ASMT: variants seen among roughly 807,000 people sequenced by gnomAD.
The protein encoded by ASMT is acetylserotonin O-methyltransferase, also known as acetylserotonin N-methyltransferase.
Under a neutral mutation model 41.3 loss-of-function variants are expected in ASMT, and 53 were observed. The ratio of observed to expected loss-of-function variants is 1.28; its 90% CI spans 1.03 to 1.61. ASMT has a LOEUF of 1.61. Ranked by LOEUF, ASMT falls within the 40% of genes most tolerant of loss-of-function variation. The probability of loss-of-function intolerance (pLI) is 0.00; values close to 1 mark genes in which losing one functional copy is unlikely to be tolerated. For synonymous variants in ASMT, 231 were observed against 184.8 expected (o/e 1.25, Z -2.03); for missense variants, 531 against 441.3 (o/e 1.20, Z -1.82).
Position 1,623,268 on chromosome X carries a change from T to A in ASMT, c.199T>A (p.Cys67Ser), listed in dbSNP as rs751989568. 2 of 1,613,908 alleles carry A rather than the reference T, an allele frequency of 1.2e-6. No homozygotes were observed. The highest frequency in any genetic ancestry group is 1.7e-6 in the Non-Finnish European group (2 of 1,179,874). ...AHGTELLLDICVSLKLLKVET... is the reference protein window; with the variant it reads ...AHGTELLLDISVSLKLLKVET... ...TGGGACAGAGCTCCTGCTGGACATC[T>A]GTGTGTCCCTGAAGCTGCTGAAAGT... The change falls in exon 2 of 9, where the codon TGT (cysteine) becomes AGT (serine). Residue 67 changes from cysteine (C) to serine (S), a missense_variant. Coordinates refer to ENST00000381241, the MANE Select transcript of ASMT (RefSeq NM_001171038.2).
chrX:1,625,904 A>G (rs6644638), intron 3 of ASMT, among the ~76,000 whole-genome samples: 95,881 of 146,094 alleles, frequency 0.66, 31,568 homozygotes, highest in East Asian at 0.75. Flanking sequence ...GCAGTGAGCC[A>G]AGATCGCACC....
intron 1 of ASMT, among the ~76,000 whole-genome samples, chrX:1,621,091 G>A (rs1452692033): frequency 4.6e-5 from 7 of 151,932 alleles, no homozygotes; most frequent in Admixed American, 1.3e-4. Flanking sequence ...GCGAGACTCC[G>A]TCTCAAAAAA....
chrX:1,634,243 G>A (rs1315576363), intron 7 of ASMT, among the ~76,000 whole-genome samples: 1 of 152,188 alleles, frequency 6.6e-6, no homozygotes, highest in African/African-American at 2.4e-5. Flanking sequence ...AAGGAGCATG[G>A]GATAGAGTTC....
chrX:1,634,976 CTTTT>C (rs772826246), intron 7 of ASMT, among the ~76,000 whole-genome samples: 1 of 112,098 alleles, frequency 8.9e-6, no homozygotes, highest in Admixed American at 9.5e-5. Context: ...TGAGTTAACT[CTTTT>C]TTTTTTTTTT....
At chrX:1,636,599 C>CA in intron 8 of ASMT, 39 bp downstream of exon 8, 6 of 1,613,652 alleles carry the variant, frequency 3.7e-6, no homozygotes, top group Non-Finnish European at 5.1e-6. Flanking sequence ...GTGCTTGTGA[C>CA]ACGGGGCAGA....
At chrX:1,628,190 G>A (rs1347534003) in intron 4 of ASMT, among the ~76,000 whole-genome samples, 12 of 152,206 alleles carry the variant, frequency 7.9e-5, no homozygotes, top group East Asian at 3.9e-4. Context: ...GCGTGGTGGC[G>A]GACGCCTGTA....
chrX:1,631,031 C>T (rs1488235933), intron 5 of ASMT, among the ~76,000 whole-genome samples: 1 of 151,316 alleles, frequency 6.6e-6, no homozygotes, highest in Non-Finnish European at 1.5e-5. Context: ...CTGCCTCAGC[C>T]TCCTGAGTAG....
chrX:1,631,206 G>GC (rs1457696108), intron 5 of ASMT, among the ~76,000 whole-genome samples: 2 of 151,004 alleles, frequency 1.3e-5, no homozygotes, highest in Non-Finnish European at 2.9e-5. Context: ...GAGCCACTGC[G>GC]CCGAGCTCAT....
rs1384141239 is a variant in ASMT, at chrX:1,636,442, T to C, written c.792T>C (p.Asp264=). 1.2e-6 allele frequency: 2 copies of C among 1,613,726 alleles called. No individual in the cohort carries two copies. Among genetic ancestry groups the C allele is most frequent in the African/African-American group, 1.3e-5 (1 of 74,862 alleles). Residue 264 remains aspartate (D), a synonymous_variant, in exon 8 of 9, where the codon GAT becomes GAC. Transcript: ENST00000381241. ...TGTGCCTGCCCTGTGTTCCAGGGGA[T>C]TTCTTCAAAGACCCTCTTCCGGAAG... is the stretch of plus-strand genomic sequence containing the variant. ...EEEQIDFQEG[D]FFKDPLPEAD...
chrX:1,622,773 A>G (rs1456667253), intron 1 of ASMT, among the ~76,000 whole-genome samples: 5 of 151,176 alleles, frequency 3.3e-5, no homozygotes, highest in South Asian at 2.1e-4. Context: ...TTAGACAGGC[A>G]TGGTGGAACA....
intron 1 of ASMT, among the ~76,000 whole-genome samples, chrX:1,620,591 A>T (rs139655973): frequency 0.013 from 2,034 of 152,232 alleles, 41 homozygotes; most frequent in African/African-American, 0.047. Context: ...TTTAATAAAA[A>T]AGCTAATACC....
At chrX:1,618,621 G>C (rs1225090814) in intron 1 of ASMT, among the ~76,000 whole-genome samples, 1 of 151,466 alleles carries the variant, frequency 6.6e-6, no homozygotes, top group African/African-American at 2.4e-5. Flanking sequence ...ATTTTTGGTA[G>C]AGACGGGGTT....
chrX:1,634,117 G>A lies in ASMT; in HGVS notation c.787+827G>A, dbSNP rs183666238. Among the ~76,000 whole-genome samples the A allele has an allele frequency of 1.0e-3, 159 of 152,214 alleles. 3 individuals carry two copies. In the Middle Eastern group the frequency reaches 0.014, roughly 13 times the overall value. On this transcript the variant is annotated intron_variant, in intron 7 of 8. Transcript: ENST00000381241. ...TGAAGGGTGTGGCCAGGGTCTCCAC[G>A]ACTACCTTCAGGTTCAATAATTCAC...
chrX:1,629,810 T>G lies in ASMT; in HGVS notation c.444-11T>G, dbSNP rs1266781973. 1 of 1,613,668 alleles carries G rather than the reference T, an allele frequency of 6.2e-7. No homozygotes were observed. Among genetic ancestry groups the G allele is most frequent in the Non-Finnish European group, 8.5e-7 (1 of 1,179,644 alleles). ...CCTCACCATCTTGACAAGCGTGGTTTTGCATGCCAGGTCCGAGGGCGAGCG... is the reference window on the plus strand; with the variant it reads ...CCTCACCATCTTGACAAGCGTGGTTGTGCATGCCAGGTCCGAGGGCGAGCG... On this transcript the variant is annotated splice_polypyrimidine_tract_variant and intron_variant, in intron 4 of 8. Transcript: ENST00000381241.
In ASMT at chrX:1,625,542, AAGGG is replaced by A. The variant is rs1209503614; in HGVS notation, c.374+1170_374+1173del. ...AGAGAGAGGGGAGAAGGAAGGAAGG[AAGGG>A]AGGGAGGGAGGGAGGGAGGGAGGGA... On this transcript the variant is annotated intron_variant, in intron 3 of 8. Transcript: ENST00000381241. Among the ~76,000 whole-genome samples, 73 of 68,308 alleles carry A rather than the reference AAGGG, an allele frequency of 1.1e-3. 1 individual carries two copies. The highest frequency in any genetic ancestry group is 5.4e-3 in the East Asian group (6 of 1,108). 44.8% of individuals were successfully genotyped at this position (68,308 alleles called of 152,430 possible).
intron 5 of ASMT, among the ~76,000 whole-genome samples, chrX:1,630,913 A>ATTT (rs202113145): frequency 2.9e-5 from 4 of 136,188 alleles, no homozygotes; most frequent in African/African-American, 5.6e-5. Flanking sequence ...GTATTTATTT[A>ATTT]TTTATTTTTT....
At position 1,643,011 on chromosome X, in the gene ASMT, A is replaced by G; in HGVS notation, c.1119A>G (p.Lys373=). Residue 373 remains lysine, a synonymous_variant, in exon 9 of 9, where the codon AAA becomes AAG. Coordinates refer to ENST00000381241, the MANE Select transcript of ASMT (RefSeq NM_001171038.2). ...GAIYDAILAR[K] is the part of the protein sequence containing the mutation. ...TTTATGATGCCATTTTAGCCAGGAA[A>G]TAACTGTTTCTTGTGACCTGGAACT... 1 of 1,613,952 alleles carries G rather than the reference A, an allele frequency of 6.2e-7. No homozygotes were observed. Among genetic ancestry groups the G allele is most frequent in the Non-Finnish European group, 8.5e-7 (1 of 1,179,844 alleles).
chrX:1,642,894 G>C lies in ASMT; in HGVS notation c.1002G>C (p.Gln334His), dbSNP rs1935244300. ...TCTACTCTCTGAACATGCTTGTGCAGACGGAAGGGCAGGAGAGGACCCCCA... is the reference window on the plus strand; with the variant it reads ...TCTACTCTCTGAACATGCTTGTGCACACGGAAGGGCAGGAGAGGACCCCCA... The part of the protein sequence containing the change: ...TQLYSLNMLV[Q>H]TEGQERTPTH... Residue 334 changes from glutamine (Q) to histidine (H), a missense_variant, in exon 9 of 9, where the codon CAG (glutamine) becomes CAC (histidine). Transcript: ENST00000381241. The C allele has an allele frequency of 6.2e-7, 1 of 1,613,996 alleles. No homozygotes were observed. The highest frequency in any genetic ancestry group is 8.5e-7 in the Non-Finnish European group (1 of 1,179,878).
Position 1,634,849 on chromosome X carries a change from T to G in ASMT, c.787+1559T>G, listed in dbSNP as rs779620466. Among the ~76,000 whole-genome samples the G allele has an allele frequency of 1.4e-3, 207 of 152,154 alleles. 2 individuals are homozygous for G. Among genetic ancestry groups the G allele is most frequent in the African/African-American group, 4.7e-3 (197 of 41,534 alleles). On this transcript the variant is annotated intron_variant, in intron 7 of 8. Coordinates refer to ENST00000381241, the MANE Select transcript of ASMT (RefSeq NM_001171038.2). Reference sequence around the variant, plus strand: ...CCTGGCTAATTTTTTGTATTTTTAGTAGAGACAGGGTTTCACTATCTCGGC... The same window carrying G: ...CCTGGCTAATTTTTTGTATTTTTAGGAGAGACAGGGTTTCACTATCTCGGC...
Sources: allele counts gnomAD v4.1 joint callset (sites outside exome capture counted in the v4.1 genomes callset), GRCh38; gene constraint gnomAD v4.1.1; transcripts MANE v1.5; gene names NCBI Gene and HGNC (gene_info 2026-07-23, HGNC 2026-07-21).